Variants in LNX1 observed in about 807,000 individuals in gnomAD.
The protein encoded by LNX1 is E3 ubiquitin-protein ligase LNX.
LNX1 carries 54 observed loss-of-function variants against 68.4 expected under a neutral mutation model. The ratio of observed to expected loss-of-function variants is 0.79; its 90% CI spans 0.63 to 0.99. The LOEUF is 0.99. Among genes scored for constraint, LNX1 ranks in the 50% least tolerant of loss-of-function variants. LNX1 has a pLI of 0.00. For synonymous variants in LNX1, 336 were observed against 350.0 expected (o/e 0.96, Z 0.45); for missense variants, 906 against 926.4 (o/e 0.98, Z 0.29).
intron 2 of LNX1, among the ~76,000 whole-genome samples, chr4:53,614,942 T>C (rs1733631070): frequency 6.6e-6 from 1 of 151,690 alleles, no homozygotes. Flanking sequence ...CTTCATCTTA[T>C]CCCAAGTTGA....
chr4:53,625,879 G>GTGTGTA (rs987612286), intron 1 of LNX1, among the ~76,000 whole-genome samples: 1 of 151,218 alleles, frequency 6.6e-6, no homozygotes, highest in Non-Finnish European at 1.5e-5. Context: ...GTGTGTGTGT[G>GTGTGTA]TGTATCCAAG....
chr4:53,541,357 C>A (rs1250177409), intron 2 of LNX1, among the ~76,000 whole-genome samples: 1 of 152,120 alleles, frequency 6.6e-6, no homozygotes, highest in Non-Finnish European at 1.5e-5. Context: ...AAAATTATTT[C>A]TCTAAGGAAA....
intron 2 of LNX1, among the ~76,000 whole-genome samples, chr4:53,560,614 A>G (rs7685317): frequency 0.17 from 26,570 of 152,076 alleles, 3,284 homozygotes; most frequent in African/African-American, 0.35. Context: ...CCATTGGCAC[A>G]TTGTATTTTT....
intron 2 of LNX1, among the ~76,000 whole-genome samples, chr4:53,609,503 A>G (rs1363766600): frequency 6.7e-6 from 1 of 149,106 alleles, no homozygotes; most frequent in East Asian, 1.9e-4. Flanking sequence ...ACATATTTTT[A>G]TTTATACGGA....
At chr4:53,462,384 G>A (rs1722223776) in intron 9 of LNX1, among the ~76,000 whole-genome samples, 2 of 152,114 alleles carry the variant, frequency 1.3e-5, no homozygotes, top group Admixed American at 1.3e-4. Flanking sequence ...TGCCATAGAA[G>A]TGTGTGTCAG....
intron 2 of LNX1, among the ~76,000 whole-genome samples, chr4:53,564,787 G>C (rs534120417): frequency 6.6e-6 from 1 of 152,142 alleles, no homozygotes; most frequent in African/African-American, 2.4e-5. Context: ...GTGGGTGCGC[G>C]CACCCTGCGC....
intron 1 of LNX1, among the ~76,000 whole-genome samples, chr4:53,630,274 A>G (rs1734220220): frequency 6.6e-6 from 1 of 152,132 alleles, no homozygotes; most frequent in Admixed American, 6.5e-5. Flanking sequence ...TGGATTTCAT[A>G]GTTATGAATT....
At chr4:53,610,150 T>C (rs897676793) in intron 2 of LNX1, among the ~76,000 whole-genome samples, 54 of 152,126 alleles carry the variant, frequency 3.5e-4, no homozygotes, top group Admixed American at 1.2e-3. Flanking sequence ...AGAACATTTA[T>C]AGAGACTGAT....
intron 4 of LNX1, among the ~76,000 whole-genome samples, chr4:53,505,544 G>A (rs577135351): frequency 2.0e-5 from 3 of 152,226 alleles, no homozygotes; most frequent in East Asian, 3.9e-4. Context: ...AAGCCACCAC[G>A]TCTGGCCCAA....
chr4:53,566,194 T>C (rs902691180), intron 2 of LNX1, among the ~76,000 whole-genome samples: 72 of 151,898 alleles, frequency 4.7e-4, no homozygotes, highest in Middle Eastern at 3.4e-3. Flanking sequence ...GACACATAAT[T>C]GTCAGATTCA....
chr4:53,479,669 C>A (rs1388109772), intron 7 of LNX1, among the ~76,000 whole-genome samples: 2 of 152,126 alleles, frequency 1.3e-5, no homozygotes, highest in Non-Finnish European at 1.5e-5. Flanking sequence ...TTCTCCTCAC[C>A]CTACTTTGGA....
intron 9 of LNX1, among the ~76,000 whole-genome samples, chr4:53,468,176 G>C (rs1449192214): frequency 6.6e-6 from 1 of 152,138 alleles, no homozygotes; most frequent in Non-Finnish European, 1.5e-5. Context: ...AAGAGAGTGG[G>C]GGCCAATATT....
chr4:53,592,463 A>C (rs751344408), upstream of LNX1, among the ~76,000 whole-genome samples: 1 of 151,964 alleles, frequency 6.6e-6, no homozygotes, highest in Non-Finnish European at 1.5e-5. Flanking sequence ...GGCTGTAAAC[A>C]TCTCCCATCA....
upstream of LNX1, chr4:53,592,819 C>G (rs1026880761): frequency 2.6e-4 from 39 of 152,324 alleles, 2 homozygotes; most frequent in Admixed American, 1.8e-3. Context: ...TGGGCCTCAG[C>G]TGGCTGCAGT....
At chr4:53,625,061 T>C (rs1202860121) in intron 1 of LNX1, among the ~76,000 whole-genome samples, 1 of 152,214 alleles carries the variant, frequency 6.6e-6, no homozygotes, top group African/African-American at 2.4e-5. Flanking sequence ...AGGCACATTG[T>C]ACATACAGAT....
At chr4:53,602,355 C>G (rs1342416473) in intron 2 of LNX1, among the ~76,000 whole-genome samples, 10 of 152,178 alleles carry the variant, frequency 6.6e-5, no homozygotes, top group Admixed American at 2.6e-4. Flanking sequence ...ACCATCCGAT[C>G]TGACACCAGT....
At chr4:53,619,927 C>G (rs1299598796), upstream of LNX1, among the ~76,000 whole-genome samples, 3 of 152,156 alleles carry the variant, frequency 2.0e-5, no homozygotes, top group Non-Finnish European at 2.9e-5. Flanking sequence ...GGCAAGTCAG[C>G]TGGTGTTCTT....
chr4:53,643,819 A>G (rs1252851728), intron 1 of LNX1, among the ~76,000 whole-genome samples: 1 of 152,200 alleles, frequency 6.6e-6, no homozygotes, highest in Non-Finnish European at 1.5e-5. Context: ...AAATTAAACA[A>G]GAGAAGTCAA....
At chr4:53,617,281 A>G (rs1279700399) in exon 1 of LNX1, 1 of 152,082 alleles carries the variant, frequency 6.6e-6, no homozygotes, top group Non-Finnish European at 1.5e-5. Flanking sequence ...CATATTTCAA[A>G]TCTCCTTTTC....
Sources: gnomAD v4.1 joint callset for allele counts (sites outside exome capture counted in the v4.1 genomes callset) on GRCh38, gnomAD v4.1.1 for gene constraint, MANE v1.5 for transcripts, NCBI Gene and HGNC (gene_info 2026-07-23, HGNC 2026-07-21) for gene names.